The following C8orf34 variants were observed in gnomAD, a reference collection of about 807,000 sequenced individuals.
The protein encoded by C8orf34 is uncharacterized protein C8orf34.
Under a neutral mutation model 68.3 loss-of-function variants are expected in C8orf34, and 65 were observed. The observed-to-expected ratio is 0.95, with a 90% CI of 0.78 to 1.17. The LOEUF is 1.17. Ranked by LOEUF, C8orf34 falls within the 50% of genes most tolerant of loss-of-function variation. The pLI is 0.00. For missense variants in C8orf34, 664 were observed against 655.4 expected, an observed-to-expected ratio of 1.01 and a Z score of -0.14; for synonymous variants, 244 against 241.2, an observed-to-expected ratio of 1.01 and a Z score of -0.11.
At chr8:68,458,473 T>A (rs2129628451) in intron 3 of C8orf34, among the ~76,000 whole-genome samples, 1 of 152,240 alleles carries the variant, frequency 6.6e-6, no homozygotes, top group Admixed American at 6.5e-5. Flanking sequence ...AAACCTGAGT[T>A]CTTATTTTGT....
chr8:68,487,589 A>T (rs1180590900), intron 4 of C8orf34, among the ~76,000 whole-genome samples: 1 of 152,236 alleles, frequency 6.6e-6, no homozygotes, highest in African/African-American at 2.4e-5. Context: ...AACTAAAGAC[A>T]TTAGAATAAG....
chr8:68,519,994 G>A (rs1814682994), intron 5 of C8orf34, among the ~76,000 whole-genome samples: 1 of 152,120 alleles, frequency 6.6e-6, no homozygotes, highest in African/African-American at 2.4e-5. Flanking sequence ...GTTAACTTTA[G>A]TTTCTGTTCT....
At chr8:68,789,547 C>A (rs983494562) in intron 12 of C8orf34, among the ~76,000 whole-genome samples, 6 of 152,082 alleles carry the variant, frequency 3.9e-5, no homozygotes, top group African/African-American at 1.2e-4. Context: ...ATACGCATTG[C>A]CTTTCTGCTT....
intron 8 of C8orf34, among the ~76,000 whole-genome samples, chr8:68,646,003 C>T (rs906561688): frequency 5.3e-5 from 8 of 152,148 alleles, no homozygotes; most frequent in Non-Finnish European, 1.0e-4. Context: ...TCCCTTGAAG[C>T]AAGACACAGA....
At chr8:68,780,264 A>G (rs1429198416) in intron 11 of C8orf34, among the ~76,000 whole-genome samples, 1 of 152,182 alleles carries the variant, frequency 6.6e-6, no homozygotes, top group African/African-American at 2.4e-5. Context: ...AAAATCAGGC[A>G]TGCTCGAAAA....
chr8:68,573,948 T>G (rs1236079827), intron 7 of C8orf34, among the ~76,000 whole-genome samples: 2 of 152,212 alleles, frequency 1.3e-5, no homozygotes, highest in Non-Finnish European at 2.9e-5. Context: ...TTATGCATAT[T>G]CTTATCTTGC....
chr8:68,352,452 A>T (rs562105228), intron 1 of C8orf34, among the ~76,000 whole-genome samples: 4 of 152,188 alleles, frequency 2.6e-5, no homozygotes, highest in African/African-American at 9.6e-5. Context: ...TTTGCTAAAC[A>T]ATAATTTTTA....
At chr8:68,416,682 C>T (rs1809683312) in intron 1 of C8orf34, among the ~76,000 whole-genome samples, 1 of 151,960 alleles carries the variant, frequency 6.6e-6, no homozygotes, top group African/African-American at 2.4e-5. Context: ...AGGTAGATGT[C>T]ACCATGCCTG....
chr8:68,714,305 C>T (rs960207664), intron 9 of C8orf34, among the ~76,000 whole-genome samples: 7 of 151,814 alleles, frequency 4.6e-5, no homozygotes, highest in South Asian at 2.1e-4. Flanking sequence ...TGACAAGAGA[C>T]GGAGTAAAGG....
At chr8:68,418,297 G>T (rs1224744750) in intron 1 of C8orf34, among the ~76,000 whole-genome samples, 1 of 148,420 alleles carries the variant, frequency 6.7e-6, no homozygotes, top group Admixed American at 6.7e-5. Context: ...TCCTTCTCCT[G>T]CCTAATTGCC....
chr8:68,445,859 G>A (rs1384025525), intron 2 of C8orf34, among the ~76,000 whole-genome samples: 1 of 152,042 alleles, frequency 6.6e-6, no homozygotes. Context: ...GCACAGTCTC[G>A]GCTCACTGCA....
intron 8 of C8orf34, among the ~76,000 whole-genome samples, chr8:68,666,547 C>T (rs1393709529): frequency 2.0e-5 from 3 of 152,160 alleles, no homozygotes. Flanking sequence ...AAACAAAACA[C>T]ATTTTGATCT....
chr8:68,403,302 C>T (rs1016312489), intron 1 of C8orf34, among the ~76,000 whole-genome samples: 10 of 152,174 alleles, frequency 6.6e-5, no homozygotes, highest in Non-Finnish European at 1.2e-4. Context: ...TCCTCTTGAC[C>T]TTCTGTGCTT....
At chr8:68,616,700 T>C (rs981801630) in intron 7 of C8orf34, among the ~76,000 whole-genome samples, 1 of 152,116 alleles carries the variant, frequency 6.6e-6, no homozygotes, top group African/African-American at 2.4e-5. Context: ...GAGGAGAGCT[T>C]TACTTCCAAC....
chr8:68,663,649 G>A (rs1819752297), intron 8 of C8orf34, among the ~76,000 whole-genome samples: 1 of 152,156 alleles, frequency 6.6e-6, no homozygotes, highest in Non-Finnish European at 1.5e-5. Flanking sequence ...TTTGAAATCA[G>A]GATACTTAGG....
rs145480972 is a variant in C8orf34, at chr8:68,454,222, A to G, written c.607+7762A>G. On this transcript the variant is annotated intron_variant, in intron 3 of 13. Coordinates refer to ENST00000518698, the MANE Select transcript of C8orf34 (RefSeq NM_052958.4). ...CATTCATAAAAGATATTGGTCTGTA[A>G]TCTTCTTTTCTGGTAATGTCTTTAT... is the stretch of plus-strand genomic sequence containing the variant. Among the ~76,000 whole-genome samples the G allele has an allele frequency of 5.5e-3, 839 of 152,104 alleles. 7 individuals are homozygous for G. The highest frequency in any genetic ancestry group is 0.013 in the African/African-American group (533 of 41,534).
intron 9 of C8orf34, among the ~76,000 whole-genome samples, chr8:68,713,496 G>A (rs113625855): frequency 9.7e-4 from 148 of 151,980 alleles, no homozygotes; most frequent in African/African-American, 3.2e-3. Flanking sequence ...CCACAGAAAC[G>A]CAAAAGATTA....
chr8:68,519,207 C>G lies in C8orf34; in HGVS notation c.766-2592C>G, dbSNP rs140645312. Among the ~76,000 whole-genome samples the G allele has an allele frequency of 3.6e-3, 546 of 152,276 alleles. 4 individuals are homozygous for G. The highest frequency in any genetic ancestry group is 0.012 in the African/African-American group (519 of 41,560). ...CCTTGACATTTAAAGTAATAGTGCT[C>G]ATTGTCAACTTAATTGTAAACATAA... On this transcript the variant is annotated intron_variant, in intron 5 of 13. Coordinates refer to ENST00000518698, the MANE Select transcript of C8orf34 (RefSeq NM_052958.4).
intron 10 of C8orf34, among the ~76,000 whole-genome samples, chr8:68,762,183 G>A (rs562084901): frequency 1.1e-4 from 17 of 152,236 alleles, no homozygotes; most frequent in South Asian, 2.1e-4. Flanking sequence ...TGATTAGCTC[G>A]ATTTGTGTCA....
Sources: gnomAD v4.1 joint callset for allele counts (sites outside exome capture counted in the v4.1 genomes callset) on GRCh38, gnomAD v4.1.1 for gene constraint, MANE v1.5 for transcripts, NCBI Gene and HGNC (gene_info 2026-07-23, HGNC 2026-07-21) for gene names.